PDE8A: variants seen among roughly 807,000 people sequenced by gnomAD.
PDE8A encodes the protein phosphodiesterase 8A, also known as high affinity cAMP-specific and IBMX-insensitive 3',5'-cyclic phosphodiesterase 8A.
Under a neutral mutation model 105.0 loss-of-function variants are expected in PDE8A, and 59 were observed. That is an observed-to-expected ratio of 0.56 (90% CI 0.46 to 0.70). The LOEUF (loss-of-function observed/expected upper bound fraction) is 0.70, where lower values mean the gene tolerates loss of function less well. Ranked by LOEUF, PDE8A falls within the 30% of genes least tolerant of loss-of-function variation. The probability of loss-of-function intolerance (pLI) is 0.00; values close to 1 mark genes in which losing one functional copy is unlikely to be tolerated. For synonymous variants in PDE8A, 355 were observed against 371.9 expected (o/e 0.95, Z 0.52); for missense variants, 1,014 against 1,045.9 (o/e 0.97, Z 0.42).
intron 3 of PDE8A, among the ~76,000 whole-genome samples, chr15:85,069,402 C>T (rs1156968665): frequency 2.0e-5 from 3 of 152,154 alleles, no homozygotes; most frequent in Non-Finnish European, 4.4e-5. Flanking sequence ...CAACTTTGTC[C>T]ACAGTTGGCG....
intron 1 of PDE8A, among the ~76,000 whole-genome samples, chr15:84,998,284 A>G (rs1211939128): frequency 1.3e-5 from 2 of 152,202 alleles, no homozygotes; most frequent in Admixed American, 1.3e-4. Context: ...CTTGTCCTTT[A>G]TCTCATGGCA....
intron 1 of PDE8A, among the ~76,000 whole-genome samples, chr15:85,008,376 C>T (rs1259068885): frequency 1.3e-5 from 2 of 152,004 alleles, no homozygotes; most frequent in Non-Finnish European, 2.9e-5. Context: ...TGTCAGACCC[C>T]ATTACTGCCT....
chr15:85,079,062 A>C (rs181657329), intron 5 of PDE8A, among the ~76,000 whole-genome samples: 1 of 152,306 alleles, frequency 6.6e-6, no homozygotes, highest in Non-Finnish European at 1.5e-5. Flanking sequence ...TGCCATGTGC[A>C]TACTCCTTCA....
Position 85,123,135 on chromosome 15 carries a change from A to G in PDE8A, c.2027A>G (p.His676Arg). ...ACAGAAATGACAAAGCACTTTGAGC[A>G]TGTCAACAAATTTGTCAACAGCATC... ...LATEMTKHFE[H>R]VNKFVNSINK... Residue 676 changes from histidine to arginine, a missense_variant, in exon 19 of 22, where the codon CAT becomes CGT. His to Arg is a conservative substitution (Grantham distance 29). Transcript: ENST00000394553. 1 of 1,614,002 alleles carries G rather than the reference A, an allele frequency of 6.2e-7. No individual in the cohort carries two copies. The highest frequency in any genetic ancestry group is 8.5e-7 in the Non-Finnish European group (1 of 1,179,844).
At chr15:85,114,243 G>A (rs1009232879) in intron 14 of PDE8A, among the ~76,000 whole-genome samples, 3 of 152,186 alleles carry the variant, frequency 2.0e-5, no homozygotes, top group Non-Finnish European at 4.4e-5. Flanking sequence ...AGCTTAGCTT[G>A]GAGCAGAGCA....
At chr15:85,014,351 G>A (rs539275013) in intron 1 of PDE8A, among the ~76,000 whole-genome samples, 25 of 152,086 alleles carry the variant, frequency 1.6e-4, no homozygotes, top group Admixed American at 9.2e-4. Flanking sequence ...GTGATATGGC[G>A]GCAAATGGTG....
intron 1 of PDE8A, among the ~76,000 whole-genome samples, chr15:85,040,781 G>A (rs925943405): frequency 6.6e-6 from 1 of 151,744 alleles, no homozygotes; most frequent in Non-Finnish European, 1.5e-5. Flanking sequence ...GGATGGTCTC[G>A]ATCTCCTGAC....
rs141141657 is a variant in PDE8A at position 85,126,310 on chromosome 15, C to T, written c.2189C>T (p.Pro730Leu). 2.4e-4 allele frequency: 388 copies of T among 1,612,888 alleles called. 3 individuals are homozygous for T. The East Asian group carries it at 8.5e-3, about 35-fold the overall frequency. Residue 730 changes from proline (P) to leucine (L), a missense_variant, in exon 20 of 22, where the codon CCC becomes CTC. By Grantham distance (98) the Pro-to-Leu change is moderately conservative (BLOSUM62 -3). Coordinates refer to ENST00000394553, the MANE Select transcript of PDE8A (RefSeq NM_002605.3). ...ATTAAATGTGCTGATGTGTCCAATC[C>T]CTGCCGACCCCTGCAGTACTGCATC... ...MLIKCADVSNPCRPLQYCIEW... is the reference protein window; with the variant it reads ...MLIKCADVSNLCRPLQYCIEW...
intron 21 of PDE8A, 34 bp downstream of exon 21, chr15:85,136,697 T>G (rs1262545491): frequency 2.5e-6 from 4 of 1,599,248 alleles, no homozygotes; most frequent in East Asian, 2.2e-5. Flanking sequence ...CATATTTTCC[T>G]CTAAATAATG....
At chr15:85,072,702 C>A (rs914847192) in intron 3 of PDE8A, among the ~76,000 whole-genome samples, 2 of 152,174 alleles carry the variant, frequency 1.3e-5, no homozygotes, top group African/African-American at 4.8e-5. Flanking sequence ...GGACTGTCTC[C>A]TCTGCACATT....
chr15:85,107,249 A>G (rs560121389), intron 11 of PDE8A, among the ~76,000 whole-genome samples: 1 of 152,318 alleles, frequency 6.6e-6, no homozygotes, highest in Non-Finnish European at 1.5e-5. Flanking sequence ...TGGGAGGCAA[A>G]TTAACAAATC....
intron 21 of PDE8A, among the ~76,000 whole-genome samples, chr15:85,136,941 C>G (rs922765243): frequency 6.6e-6 from 1 of 152,124 alleles, no homozygotes; most frequent in Non-Finnish European, 1.5e-5. Context: ...ACCAATCGTG[C>G]TGGCTCCAAA....
At chr15:85,085,218 C>T (rs1278574973) in intron 6 of PDE8A, among the ~76,000 whole-genome samples, 1 of 152,188 alleles carries the variant, frequency 6.6e-6, no homozygotes, top group East Asian at 1.9e-4. Context: ...CTGCTTTGTT[C>T]TCTGTGCTCC....
chr15:85,042,732 A>T (rs2080829621), intron 1 of PDE8A, among the ~76,000 whole-genome samples: 1 of 152,230 alleles, frequency 6.6e-6, no homozygotes, highest in Admixed American at 6.5e-5. Context: ...TAATGGCTAT[A>T]CATTATGGAG....
intron 1 of PDE8A, among the ~76,000 whole-genome samples, chr15:85,033,682 T>A (rs2141378075): frequency 6.6e-6 from 1 of 152,064 alleles, no homozygotes; most frequent in Admixed American, 6.5e-5. Flanking sequence ...CTGGCCAATA[T>A]GGTGAAACCC....
intron 1 of PDE8A, among the ~76,000 whole-genome samples, chr15:85,007,655 C>T (rs1018729821): frequency 3.3e-5 from 5 of 151,818 alleles, no homozygotes; most frequent in African/African-American, 9.7e-5. Flanking sequence ...CTGTTTGTGC[C>T]TCAGATTTCA....
chr15:85,026,783 A>C lies in PDE8A; in HGVS notation c.187-37587A>C, dbSNP rs372250922. Among the ~76,000 whole-genome samples the C allele has an allele frequency of 4.6e-5, 7 of 152,148 alleles. No individual in the cohort carries two copies. In the East Asian group the frequency reaches 9.6e-4, roughly 21 times the overall value. On this transcript the variant is annotated intron_variant, in intron 1 of 21. Transcript: ENST00000394553. ...CTGTCTCAAAACAAAAAACAAAACA[A>C]AACAAAAAAACTAAATTTAAAAAAT...
At chr15:85,080,481 C>G (rs1224138145) in intron 5 of PDE8A, among the ~76,000 whole-genome samples, 1 of 152,154 alleles carries the variant, frequency 6.6e-6, no homozygotes, top group African/African-American at 2.4e-5. Context: ...TCTAGTGAAA[C>G]TTAGGGGATA....
At chr15:85,014,373 C>A (rs2080289706) in intron 1 of PDE8A, among the ~76,000 whole-genome samples, 1 of 152,106 alleles carries the variant, frequency 6.6e-6, no homozygotes. Context: ...TATTCTAATT[C>A]TCTCATTACT....
Sources: gnomAD v4.1 joint callset for allele counts (sites outside exome capture counted in the v4.1 genomes callset) on GRCh38, gnomAD v4.1.1 for gene constraint, MANE v1.5 for transcripts, NCBI Gene and HGNC (gene_info 2026-07-23, HGNC 2026-07-21) for gene names.